TTC28: variants seen among roughly 807,000 people sequenced by gnomAD.
TTC28 encodes the protein tetratricopeptide repeat domain 28.
A neutral mutation model predicts 198.0 loss-of-function variants in TTC28; 61 were observed. The ratio of observed to expected loss-of-function variants is 0.31; its 90% CI spans 0.25 to 0.38. The LOEUF is 0.38. Among genes scored for constraint, TTC28 ranks in the 10% least tolerant of loss-of-function variants. The probability of loss-of-function intolerance (pLI) is 1.00; values close to 1 mark genes in which losing one functional copy is unlikely to be tolerated. For missense variants in TTC28, 2,678 were observed against 3,164.0 expected (o/e 0.85, Z 3.69); for synonymous variants, 1,171 against 1,297.8 (o/e 0.90, Z 2.10).
chr22:28,273,659 G>A (rs1330372135), intron 5 of TTC28, among the ~76,000 whole-genome samples: 1 of 152,120 alleles, frequency 6.6e-6, no homozygotes, highest in African/African-American at 2.4e-5. Context: ...AGAATAGACA[G>A]GAAGAAATGG....
At chr22:28,401,205 GGATGACGATGAC>G (rs368998194) in intron 2 of TTC28, among the ~76,000 whole-genome samples, 2 of 151,806 alleles carry the variant, frequency 1.3e-5, no homozygotes, top group Non-Finnish European at 2.9e-5. Flanking sequence ...AGGAGGAGGA[GGATGACGATGAC>G]GATGACGACG....
chr22:28,456,649 C>G (rs1360250987), intron 2 of TTC28, among the ~76,000 whole-genome samples: 1 of 152,120 alleles, frequency 6.6e-6, no homozygotes, highest in Non-Finnish European at 1.5e-5. Context: ...GATCTCGGCT[C>G]ACTGCAACCT....
At chr22:28,583,298 T>G (rs533825213) in intron 2 of TTC28, among the ~76,000 whole-genome samples, 22 of 152,322 alleles carry the variant, frequency 1.4e-4, no homozygotes, top group African/African-American at 5.3e-4. Context: ...AAACTGAAAT[T>G]TTTTCTTCAA....
intron 2 of TTC28, among the ~76,000 whole-genome samples, chr22:28,586,813 TC>T (rs1555897603): frequency 2.0e-5 from 3 of 152,228 alleles, no homozygotes; most frequent in Non-Finnish European, 1.5e-5. Context: ...TTATATGAGA[TC>T]AAAATTCTTT....
At chr22:28,241,949 T>C (rs1380182852) in intron 5 of TTC28, among the ~76,000 whole-genome samples, 8 of 152,062 alleles carry the variant, frequency 5.3e-5, no homozygotes. Context: ...AGGATATAAA[T>C]GAAGCATTTC....
chr22:28,186,329 C>G (rs528557343), intron 5 of TTC28, among the ~76,000 whole-genome samples: 1 of 152,204 alleles, frequency 6.6e-6, no homozygotes, highest in East Asian at 1.9e-4. Flanking sequence ...TATATAAATG[C>G]AAAGATACGG....
intron 13 of TTC28, among the ~76,000 whole-genome samples, chr22:28,023,770 G>C (rs191472570): frequency 6.6e-6 from 1 of 152,252 alleles, no homozygotes; most frequent in East Asian, 1.9e-4. Context: ...AGGGCCTGTG[G>C]GGCCGGAGCA....
chr22:28,529,223 T>A (rs2049076191), intron 2 of TTC28, among the ~76,000 whole-genome samples: 1 of 138,900 alleles, frequency 7.2e-6, no homozygotes, highest in African/African-American at 2.7e-5. Flanking sequence ...ATACTGTGCT[T>A]TTCCAATGGT....
intron 6 of TTC28, among the ~76,000 whole-genome samples, chr22:28,118,992 T>C (rs1942713464): frequency 6.6e-6 from 1 of 152,212 alleles, no homozygotes; most frequent in South Asian, 2.1e-4. Flanking sequence ...CCTTGGTAAT[T>C]GGTGTGTCCC....
chr22:28,177,855 G>A (rs1923314406), intron 5 of TTC28, among the ~76,000 whole-genome samples: 1 of 152,162 alleles, frequency 6.6e-6, no homozygotes, highest in South Asian at 2.1e-4. Flanking sequence ...AGTTGGGGGA[G>A]TGGAGGACAG....
At chr22:28,590,899 C>T (rs1196035361) in intron 2 of TTC28, among the ~76,000 whole-genome samples, 1 of 150,402 alleles carries the variant, frequency 6.6e-6, no homozygotes, top group Non-Finnish European at 1.5e-5. Context: ...GTCCCAGCTA[C>T]TCAGGAGACT....
At chr22:28,328,175 C>G (rs1474339215) in intron 2 of TTC28, among the ~76,000 whole-genome samples, 1 of 152,164 alleles carries the variant, frequency 6.6e-6, no homozygotes, top group Non-Finnish European at 1.5e-5. Context: ...CTCATGTCTA[C>G]AATCCCAGCA....
At chr22:28,506,782 G>A (rs1245482150) in intron 2 of TTC28, among the ~76,000 whole-genome samples, 2 of 152,226 alleles carry the variant, frequency 1.3e-5, no homozygotes, top group Non-Finnish European at 2.9e-5. Context: ...CAGGCAACTA[G>A]GGTCTGGAGC....
intron 12 of TTC28, 49 bp downstream of exon 12, chr22:28,094,031 T>C: frequency 6.8e-7 from 1 of 1,471,166 alleles, no homozygotes; most frequent in East Asian, 2.5e-5. Context: ...CAAAAAATAA[T>C]ACCCTGAGAT....
Position 28,372,273 on chromosome 22 carries a change from T to A in TTC28, c.382-65630A>T, listed in dbSNP as rs529867636. Reference sequence around the variant, plus strand: ...AATTTAAGAGGTAGTACCCATCCCATGATGACATGTATTTAAGATATGCTT... The same window carrying A: ...AATTTAAGAGGTAGTACCCATCCCAAGATGACATGTATTTAAGATATGCTT... On this transcript the variant is annotated intron_variant, in intron 2 of 22. Coordinates refer to ENST00000397906, the MANE Select transcript of TTC28 (RefSeq NM_001145418.2). 2.0e-5 allele frequency among the ~76,000 whole-genome samples: 3 copies of A among 152,324 alleles called. No homozygotes were observed. The East Asian group carries it at 5.8e-4, about 29-fold the overall frequency.
chr22:28,027,775 G>C (rs1312829264), intron 13 of TTC28, among the ~76,000 whole-genome samples: 1 of 152,278 alleles, frequency 6.6e-6, no homozygotes, highest in Non-Finnish European at 1.5e-5. Context: ...ACATGGGACA[G>C]AGAGGGAGGC....
intron 2 of TTC28, among the ~76,000 whole-genome samples, chr22:28,507,589 C>A (rs747259440): frequency 3.6e-4 from 55 of 152,050 alleles, no homozygotes; most frequent in African/African-American, 1.2e-3. Flanking sequence ...GAAGACCAAC[C>A]CCAAGACATA....
At chr22:28,255,485 C>A (rs1397565768) in intron 5 of TTC28, among the ~76,000 whole-genome samples, 1 of 152,042 alleles carries the variant, frequency 6.6e-6, no homozygotes, top group Non-Finnish European at 1.5e-5. Context: ...AGTTCAAGAC[C>A]AGCCTGACCA....
chr22:28,263,954 GT>G (rs913408290), intron 5 of TTC28, among the ~76,000 whole-genome samples: 3 of 152,118 alleles, frequency 2.0e-5, no homozygotes, highest in African/African-American at 4.8e-5. Flanking sequence ...AGGATGCTGT[GT>G]TTAGATCTGC....
Sources: allele counts gnomAD v4.1 joint callset (sites outside exome capture counted in the v4.1 genomes callset), GRCh38; gene constraint gnomAD v4.1.1; transcripts MANE v1.5; gene names NCBI Gene and HGNC (gene_info 2026-07-23, HGNC 2026-07-21).